The following SDK1 variants were observed in gnomAD, a reference collection of about 807,000 sequenced individuals.
SDK1 encodes the protein sidekick cell adhesion molecule 1.
Under a neutral mutation model 245.5 loss-of-function variants are expected in SDK1, and 157 were observed. The observed-to-expected ratio is 0.64, with a 90% CI of 0.56 to 0.73. The LOEUF (loss-of-function observed/expected upper bound fraction) is 0.73, where lower values mean the gene tolerates loss of function less well. SDK1 is among the 30% of genes least tolerant of loss of function. SDK1 has a pLI of 0.00. For synonymous variants in SDK1, 1,647 were observed against 1,278.5 expected (o/e 1.29, Z -6.15); for missense variants, 3,583 against 3,002.3 (o/e 1.19, Z -4.52).
At chr7:3,476,407 CT>C (rs2128600357) in intron 1 of SDK1, among the ~76,000 whole-genome samples, 1 of 152,330 alleles carries the variant, frequency 6.6e-6, no homozygotes, top group East Asian at 1.9e-4. Flanking sequence ...TCCAGTACTT[CT>C]TTTCCTTTAA....
rs193236955 is a variant in SDK1 at position 3,439,735 on chromosome 7, T to A, written c.298+137851T>A. ...AGAACAGAAAAAACATTGTCATTTATACATGATTTAGCTTTATGATCATGA... is the reference window on the plus strand; with the variant it reads ...AGAACAGAAAAAACATTGTCATTTAAACATGATTTAGCTTTATGATCATGA... On this transcript the variant is annotated intron_variant, in intron 1 of 44. Transcript: ENST00000404826. 2.0e-5 allele frequency among the ~76,000 whole-genome samples: 3 copies of A among 152,350 alleles called. No homozygotes were observed. In the East Asian group the frequency reaches 5.8e-4, roughly 29 times the overall value.
intron 13 of SDK1, among the ~76,000 whole-genome samples, chr7:3,975,943 G>A (rs532070593): frequency 1.2e-4 from 17 of 139,960 alleles, no homozygotes; most frequent in African/African-American, 4.5e-4. Context: ...GGGTCCCGGG[G>A]CTGAGGCTGC....
At chr7:3,507,772 A>T (rs775115723) in intron 1 of SDK1, among the ~76,000 whole-genome samples, 1 of 152,092 alleles carries the variant, frequency 6.6e-6, no homozygotes, top group Non-Finnish European at 1.5e-5. Context: ...TCCAATTAGC[A>T]TTGGAATATG....
chr7:3,794,163 G>A (rs1183315160), intron 4 of SDK1, among the ~76,000 whole-genome samples: 1 of 152,142 alleles, frequency 6.6e-6, no homozygotes, highest in African/African-American at 2.4e-5. Flanking sequence ...TGCAAAGCAA[G>A]TATAAAGGAG....
intron 32 of SDK1, among the ~76,000 whole-genome samples, chr7:4,165,767 G>A (rs946774810): frequency 2.6e-5 from 4 of 152,058 alleles, no homozygotes; most frequent in African/African-American, 4.8e-5. Flanking sequence ...TGGGATTACA[G>A]GAATGAGCCA....
chr7:3,481,252 C>G (rs1304149406), intron 1 of SDK1, among the ~76,000 whole-genome samples: 1 of 152,148 alleles, frequency 6.6e-6, no homozygotes, highest in African/African-American at 2.4e-5. Flanking sequence ...AACTAAGACA[C>G]AGAGGGTTAA....
intron 1 of SDK1, among the ~76,000 whole-genome samples, chr7:3,483,222 C>T (rs927513309): frequency 6.6e-6 from 1 of 152,152 alleles, no homozygotes; most frequent in African/African-American, 2.4e-5. Flanking sequence ...TGAGTCCTAG[C>T]ATTTCTGAAT....
chr7:3,478,518 T>G (rs908999433), intron 1 of SDK1, among the ~76,000 whole-genome samples: 3 of 152,022 alleles, frequency 2.0e-5, no homozygotes, highest in African/African-American at 7.2e-5. Flanking sequence ...TAAAAATAAC[T>G]TTATTTTTAA....
chr7:3,667,727 A>G (rs1037032908), intron 4 of SDK1, among the ~76,000 whole-genome samples: 1 of 152,160 alleles, frequency 6.6e-6, no homozygotes, highest in Non-Finnish European at 1.5e-5. Context: ...GGCTTGTTTC[A>G]GTTCTCGTAA....
chr7:3,807,289 T>C (rs1452206716), intron 4 of SDK1, among the ~76,000 whole-genome samples: 1 of 152,104 alleles, frequency 6.6e-6, no homozygotes, highest in Non-Finnish European at 1.5e-5. Context: ...AAGGCCTGCC[T>C]AGGAGGGTTC....
chr7:3,636,998 A>G (rs188826175), intron 2 of SDK1, among the ~76,000 whole-genome samples: 70 of 151,852 alleles, frequency 4.6e-4, no homozygotes, highest in Non-Finnish European at 9.0e-4. Context: ...ATGTCTGTCT[A>G]GTATCTTTGC....
intron 40 of SDK1, chr7:4,227,386 C>A (rs752425279): frequency 4.2e-6 from 2 of 471,240 alleles, no homozygotes; most frequent in Non-Finnish European, 8.8e-6. Context: ...ACATGCAATG[C>A]ATTTTGCCTC....
chr7:3,903,268 C>T (rs1026845826), intron 5 of SDK1, among the ~76,000 whole-genome samples: 19 of 151,798 alleles, frequency 1.3e-4, no homozygotes, highest in African/African-American at 3.9e-4. Flanking sequence ...CTCAGCCTCC[C>T]GAGTAGCTGG....
intron 1 of SDK1, among the ~76,000 whole-genome samples, chr7:3,610,082 A>C (rs1343219692): frequency 6.6e-6 from 1 of 152,334 alleles, no homozygotes; most frequent in South Asian, 2.1e-4. Flanking sequence ...AGAAACCTCC[A>C]TGGTTTGTAA....
chr7:3,531,877 T>C (rs1783358563), intron 1 of SDK1, among the ~76,000 whole-genome samples: 1 of 152,204 alleles, frequency 6.6e-6, no homozygotes, highest in Non-Finnish European at 1.5e-5. Flanking sequence ...TGTCTAGAAA[T>C]TAAGTAGGCT....
intron 4 of SDK1, among the ~76,000 whole-genome samples, chr7:3,814,457 G>A (rs1779459702): frequency 2.0e-5 from 3 of 151,536 alleles, no homozygotes; most frequent in African/African-American, 7.3e-5. Flanking sequence ...GCTCTGTTCT[G>A]TTCCGTTGAT....
At chr7:3,987,034 G>A in intron 13 of SDK1, 152 bp from the exon 14 acceptor site, 1 of 714,810 alleles carries the variant, frequency 1.4e-6, no homozygotes, top group Non-Finnish European at 2.3e-6. Context: ...CTTTTCTGGG[G>A]GGAAGAGAGT....
chr7:3,551,478 T>G (rs769120493), intron 1 of SDK1, among the ~76,000 whole-genome samples: 3 of 152,184 alleles, frequency 2.0e-5, no homozygotes, highest in Non-Finnish European at 2.9e-5. Context: ...TAAAATGAGC[T>G]GATTATGGAC....
rs1465690337 is a variant in SDK1 at position 3,381,726 on chromosome 7, T to TC, written c.298+79845dup. ...AAGGAAGGAGAAAAGCACCTCTCCT[T>TC]CCCTAAAAGAAGGCAGGAAAGGTGT... On this transcript the variant is annotated intron_variant, in intron 1 of 44. Coordinates refer to ENST00000404826, the MANE Select transcript of SDK1 (RefSeq NM_152744.4). Among the ~76,000 whole-genome samples the TC allele has an allele frequency of 5.9e-5, 9 of 152,150 alleles. No individual in the cohort carries two copies. The East Asian group carries it at 1.7e-3, about 29-fold the overall frequency.
Sources: allele counts gnomAD v4.1 joint callset (sites outside exome capture counted in the v4.1 genomes callset), GRCh38; gene constraint gnomAD v4.1.1; transcripts MANE v1.5; gene names NCBI Gene and HGNC (gene_info 2026-07-23, HGNC 2026-07-21).